Variants in ESCO2 observed in about 807,000 individuals in gnomAD.
ESCO2 encodes N-acetyltransferase ESCO2.
In ESCO2, 51 loss-of-function variants were observed where a neutral mutation model predicts 61.7. The ratio of observed to expected loss-of-function variants is 0.83; its 90% CI spans 0.66 to 1.04. ESCO2 has a LOEUF of 1.04. Ranked by LOEUF, ESCO2 falls within the 50% of genes least tolerant of loss-of-function variation. The pLI, the probability that ESCO2 is intolerant of heterozygous loss-of-function variation, is 0.00. For synonymous variants in ESCO2, 230 were observed against 238.2 expected (o/e 0.97, Z 0.32); for missense variants, 692 against 686.2 (o/e 1.01, Z -0.09).
At chr8:27,795,040 T>C (rs565354191) in intron 9 of ESCO2, among the ~76,000 whole-genome samples, 3 of 152,208 alleles carry the variant, frequency 2.0e-5, no homozygotes, top group African/African-American at 4.8e-5. Context: ...TAGGACTGTT[T>C]TTTGTATTTT....
At chr8:27,810,330 A>G, downstream of ESCO2, 7 of 1,612,510 alleles carry the variant, frequency 4.3e-6, no homozygotes, top group Non-Finnish European at 5.1e-6. Context: ...CAGAGCTTCA[A>G]CAATGTGTGC....
upstream of ESCO2, among the ~76,000 whole-genome samples, chr8:27,773,353 A>G (rs1031468396): frequency 6.6e-6 from 1 of 152,102 alleles, no homozygotes; most frequent in African/African-American, 2.4e-5. Context: ...CTATACATCA[A>G]TGAGAATGCT....
intron 3 of ESCO2, chr8:27,778,212 A>G (rs1238324493): frequency 6.6e-6 from 1 of 152,118 alleles, no homozygotes; most frequent in Admixed American, 6.5e-5. Flanking sequence ...TGGGTTCTTC[A>G]TTTCTCTAAG....
chr8:27,788,187 C>T lies in ESCO2; in HGVS notation c.1131+185C>T, dbSNP rs6558014. Among the ~76,000 whole-genome samples the T allele has an allele frequency of 0.86, 131,034 of 152,192 alleles. 56,575 individuals are homozygous for T. The highest frequency in any genetic ancestry group is 1 in the East Asian group (5,184 of 5,188). ...AATTTATCTGTGCTTTTCCTGCACT[C>T]TATTTTTTGTCAACTCTTGGGTCAA... On this transcript the variant is annotated intron_variant, in intron 6 of 10. Transcript: ENST00000305188.
At chr8:27,797,756 CTATAA>C (rs1805332691) in intron 9 of ESCO2, among the ~76,000 whole-genome samples, 1 of 152,136 alleles carries the variant, frequency 6.6e-6, no homozygotes. Flanking sequence ...ATAAAATATC[CTATAA>C]TATAACAGCC....
chr8:27,803,907 T>A lies in ESCO2; in HGVS notation c.*469T>A. 3 of 980,160 alleles carry A rather than the reference T, an allele frequency of 3.1e-6. No homozygotes were observed. Among genetic ancestry groups the A allele is most frequent in the Non-Finnish European group, 3.6e-6 (3 of 823,826 alleles). The allele number at this position is 980,160 out of a possible 1,614,324, so 60.7% of individuals were successfully genotyped here. A position where few individuals can be genotyped will look rare whatever the true frequency, so the allele number is the denominator to read the frequency against. ...AATTTGTAAAGGGAATTCCTGAATT[T>A]TTTTTTTTTTTTAATAGAGGCATGG... On this transcript the variant is annotated 3_prime_UTR_variant, in exon 11 of 11. Transcript: ENST00000305188.
upstream of ESCO2, chr8:27,772,738 TG>T: frequency 1.7e-6 from 1 of 583,150 alleles, no homozygotes; most frequent in Non-Finnish European, 3.1e-6. Flanking sequence ...GCAAGGAGTT[TG>T]GTTCAGTGAT....
Position 27,776,506 on chromosome 8 carries a change from T to TA in ESCO2, c.199dup (p.Arg67LysfsTer12). 1.2e-6 allele frequency: 2 copies of TA among 1,613,862 alleles called. No individual in the cohort carries two copies. Among genetic ancestry groups the TA allele is most frequent in the Non-Finnish European group, 1.7e-6 (2 of 1,179,956 alleles). ...GTGCGCTCAAAACAACTGAAATAAATAGACTGCCATCAGCAAATCAAGGCT... is the reference window on the plus strand; with the variant it reads ...GTGCGCTCAAAACAACTGAAATAAATAAGACTGCCATCAGCAAATCAAGGCT... On this transcript the variant is annotated frameshift_variant, in exon 3 of 11. Coordinates refer to ENST00000305188, the MANE Select transcript of ESCO2 (RefSeq NM_001017420.3). LOFTEE classifies it high-confidence loss of function.
intron 4 of ESCO2, among the ~76,000 whole-genome samples, chr8:27,782,912 A>C (rs1804956989): frequency 6.6e-6 from 1 of 151,996 alleles, no homozygotes; most frequent in South Asian, 2.1e-4. Flanking sequence ...GTTCTAATAT[A>C]GTTAGATTCA....
At chr8:27,782,357 G>A (rs1452158492) in intron 4 of ESCO2, among the ~76,000 whole-genome samples, 1 of 152,130 alleles carries the variant, frequency 6.6e-6, no homozygotes, top group Non-Finnish European at 1.5e-5. Flanking sequence ...TGCCCCCAGG[G>A]TTCTAGCGAT....
upstream of ESCO2, chr8:27,772,465 C>G: frequency 6.5e-7 from 1 of 1,542,232 alleles, no homozygotes; most frequent in Non-Finnish European, 8.8e-7. Flanking sequence ...GTCCCGGCTT[C>G]GGAGCCCGCT....
At chr8:27,778,160 A>G (rs1219590518) in intron 3 of ESCO2, 3 of 152,200 alleles carry the variant, frequency 2.0e-5, no homozygotes, top group Admixed American at 1.3e-4. Context: ...GGCAATAATC[A>G]GAGCTGAATA....
At chr8:27,788,130 G>T in intron 6 of ESCO2, 128 bp downstream of exon 6, 2 of 686,066 alleles carry the variant, frequency 2.9e-6, no homozygotes, top group South Asian at 3.2e-5. Flanking sequence ...TGACAGAATG[G>T]GAGTTGTAGG....
chr8:27,815,064 AATAG>A (rs1452444087), downstream of ESCO2, among the ~76,000 whole-genome samples: 2 of 152,216 alleles, frequency 1.3e-5, no homozygotes, highest in Non-Finnish European at 2.9e-5. Flanking sequence ...ATTTTGAAAC[AATAG>A]AAAGAAGACA....
Position 27,780,180 on chromosome 8 carries a change from T to G in ESCO2, c.868T>G (p.Ser290Ala), listed in dbSNP as rs1408670906. The G allele has an allele frequency of 1.9e-6, 3 of 1,599,300 alleles. No homozygotes were observed. The highest frequency in any genetic ancestry group is 2.6e-6 in the Non-Finnish European group (3 of 1,168,062). The change falls in exon 4 of 11, where the codon TCA (serine) becomes GCA (alanine). Residue 290 changes from serine (S) to alanine (A), a missense_variant. By Grantham distance (99) the Ser-to-Ala change is moderately conservative. Transcript: ENST00000305188. ...TTTTTAAACCTATTTTCAGGATTCA[T>G]CAGATGACAGAGTTTCTTCAAAGGA... ...KNKEKLIKDS[S>A]DDRVSSKEHK...
chr8:27,785,244 G>T (rs945478855), intron 5 of ESCO2, among the ~76,000 whole-genome samples: 2 of 152,186 alleles, frequency 1.3e-5, no homozygotes, highest in African/African-American at 4.8e-5. Flanking sequence ...ATCCATTCAT[G>T]AAGGTGGAGC....
At chr8:27,801,484 TC>T (rs1805424769) in intron 10 of ESCO2, among the ~76,000 whole-genome samples, 1 of 152,230 alleles carries the variant, frequency 6.6e-6, no homozygotes, top group South Asian at 2.1e-4. Flanking sequence ...AAAATTGGTA[TC>T]TTAAAGATTT....
At chr8:27,791,726 TACCTTG>T (rs1391740579) in intron 7 of ESCO2, among the ~76,000 whole-genome samples, 1 of 152,188 alleles carries the variant, frequency 6.6e-6, no homozygotes, top group African/African-American at 2.4e-5. Context: ...TTTACCTCTT[TACCTTG>T]TTTTATAGTC....
upstream of ESCO2, among the ~76,000 whole-genome samples, chr8:27,772,318 A>C (rs540323710): frequency 3.9e-5 from 6 of 152,334 alleles, no homozygotes; most frequent in Non-Finnish European, 7.3e-5. Context: ...CCCCCACGCC[A>C]TGACGAGGGG....
Sources: allele counts gnomAD v4.1 joint callset (sites outside exome capture counted in the v4.1 genomes callset), GRCh38; gene constraint gnomAD v4.1.1; transcripts MANE v1.5; gene names NCBI Gene and HGNC (gene_info 2026-07-23, HGNC 2026-07-21).